LRRC4C: variants seen among roughly 807,000 people sequenced by gnomAD.
The protein encoded by LRRC4C is leucine rich repeat containing 4C.
Under a neutral mutation model 33.6 loss-of-function variants are expected in LRRC4C, and 5 were observed. That is an observed-to-expected ratio of 0.15 (90% CI 0.08 to 0.31). The LOEUF (loss-of-function observed/expected upper bound fraction) is 0.31. LRRC4C is among the 10% of genes least tolerant of loss of function. The pLI is 1.00. For missense variants in LRRC4C, 560 were observed against 796.7 expected (o/e 0.70, Z 3.58); for synonymous variants, 329 against 302.0 (o/e 1.09, Z -0.93).
chr11:40,851,232 A>G (rs1953476511), intron 2 of LRRC4C, among the ~76,000 whole-genome samples: 1 of 151,826 alleles, frequency 6.6e-6, no homozygotes, highest in Non-Finnish European at 1.5e-5. Flanking sequence ...TCAGCCACCC[A>G]GTTTTGTGCT....
intron 3 of LRRC4C, among the ~76,000 whole-genome samples, chr11:40,432,454 G>A (rs1440280478): frequency 6.6e-6 from 1 of 152,152 alleles, no homozygotes; most frequent in African/African-American, 2.4e-5. Context: ...GCCATTTCAT[G>A]TTCTCCCTTT....
intron 2 of LRRC4C, among the ~76,000 whole-genome samples, chr11:40,727,278 C>T (rs1463350804): frequency 2.0e-5 from 3 of 152,114 alleles, no homozygotes; most frequent in African/African-American, 7.2e-5. Context: ...CTACAACTAA[C>T]TGATCCTCAA....
chr11:40,823,303 C>G (rs1952019582), intron 2 of LRRC4C, among the ~76,000 whole-genome samples: 1 of 151,244 alleles, frequency 6.6e-6, no homozygotes, highest in Non-Finnish European at 1.5e-5. Context: ...GAATCAAAAG[C>G]CCAATCAATG....
chr11:40,756,835 C>T (rs573550501), intron 2 of LRRC4C, among the ~76,000 whole-genome samples: 53 of 151,956 alleles, frequency 3.5e-4, no homozygotes, highest in Non-Finnish European at 6.0e-4. Flanking sequence ...AATGAATATA[C>T]AGTTCAAGCT....
At chr11:40,331,464 C>T (rs1347870754) in intron 3 of LRRC4C, among the ~76,000 whole-genome samples, 1 of 152,064 alleles carries the variant, frequency 6.6e-6, no homozygotes, top group Non-Finnish European at 1.5e-5. Context: ...CAATGAAATA[C>T]TATTTATCTA....
intron 1 of LRRC4C, among the ~76,000 whole-genome samples, chr11:41,223,680 G>T (rs1000047965): frequency 6.6e-6 from 1 of 152,138 alleles, no homozygotes; most frequent in Non-Finnish European, 1.5e-5. Context: ...ATGTCTTAAG[G>T]CAACCAATTC....
intron 4 of LRRC4C, among the ~76,000 whole-genome samples, chr11:40,248,959 C>CT (rs990707736): frequency 1.3e-5 from 2 of 152,082 alleles, no homozygotes; most frequent in African/African-American, 2.4e-5. Context: ...GCAGTGACTG[C>CT]TTTTTTTCAT....
intron 1 of LRRC4C, among the ~76,000 whole-genome samples, chr11:40,946,742 AC>A (rs1458597950): frequency 6.6e-6 from 1 of 152,188 alleles, no homozygotes; most frequent in African/African-American, 2.4e-5. Flanking sequence ...TTATGGACTT[AC>A]ATTTGACACT....
In LRRC4C at chr11:41,385,004, CA is replaced by C. The variant is rs1953302222; in HGVS notation, c.-496+74426del. The stretch of plus-strand genomic sequence containing the variant: ...AAAAACATATCTCAAGGTAAAAAAG[CA>C]TTAGTAGAGCTAAATATAGTCAGTA... On this transcript the variant is annotated intron_variant, in intron 1 of 6. Transcript: ENST00000528697. 2.7e-5 allele frequency among the ~76,000 whole-genome samples: 4 copies of C among 150,364 alleles called. No individual in the cohort carries two copies. The South Asian group carries it at 8.4e-4, about 32-fold the overall frequency.
At chr11:41,184,213 G>C (rs889441086) in intron 1 of LRRC4C, among the ~76,000 whole-genome samples, 2 of 151,804 alleles carry the variant, frequency 1.3e-5, no homozygotes, top group Admixed American at 6.6e-5. Flanking sequence ...CATTATTTAC[G>C]CAAATTTCTG....
chr11:40,248,843 A>G (rs1020619614), intron 4 of LRRC4C, among the ~76,000 whole-genome samples: 38 of 152,182 alleles, frequency 2.5e-4, no homozygotes, highest in African/African-American at 8.9e-4. Context: ...AAATATGTAC[A>G]ATTATTACAT....
At chr11:41,207,047 T>C (rs542534509) in intron 1 of LRRC4C, among the ~76,000 whole-genome samples, 3 of 152,302 alleles carry the variant, frequency 2.0e-5, no homozygotes, top group Non-Finnish European at 4.4e-5. Context: ...ATGTATTCCT[T>C]ATAAGCATAT....
chr11:40,422,917 GATTAAAA>G (rs1950570027), intron 3 of LRRC4C, among the ~76,000 whole-genome samples: 1 of 151,774 alleles, frequency 6.6e-6, no homozygotes, highest in African/African-American at 2.4e-5. Flanking sequence ...AATACAGCAT[GATTAAAA>G]ATTAAATTAA....
At chr11:40,540,529 G>A (rs754491249) in intron 3 of LRRC4C, among the ~76,000 whole-genome samples, 7 of 152,020 alleles carry the variant, frequency 4.6e-5, no homozygotes, top group African/African-American at 1.2e-4. Flanking sequence ...GACCTGAATG[G>A]GGATAAAAGC....
rs150822919 is a variant in LRRC4C, at chr11:40,125,951, G to A, written c.-42-9617C>T. On this transcript the variant is annotated intron_variant, in intron 6 of 6. Coordinates refer to ENST00000528697, the MANE Select transcript of LRRC4C (RefSeq NM_001258419.2). ...AGCTTTCTCCACCCCTTATGCAGGA[G>A]TATGTAGTTCTGTAGATTTTCAGGG... Among the ~76,000 whole-genome samples, 4 of 152,186 alleles carry A rather than the reference G, an allele frequency of 2.6e-5. No homozygotes were observed. The East Asian group carries it at 7.7e-4, about 29-fold the overall frequency.
chr11:40,708,150 T>C (rs1026179619), intron 2 of LRRC4C, among the ~76,000 whole-genome samples: 3 of 152,204 alleles, frequency 2.0e-5, no homozygotes, highest in African/African-American at 7.2e-5. Flanking sequence ...GTTGATCTTT[T>C]CAAAAAATCA....
At chr11:40,864,075 T>C (rs1954235310) in intron 2 of LRRC4C, among the ~76,000 whole-genome samples, 1 of 152,078 alleles carries the variant, frequency 6.6e-6, no homozygotes, top group Admixed American at 6.6e-5. Context: ...TATTTATTTA[T>C]TTTTGTTTTT....
At chr11:41,185,249 T>A (rs1202542835) in intron 1 of LRRC4C, among the ~76,000 whole-genome samples, 1 of 152,078 alleles carries the variant, frequency 6.6e-6, no homozygotes, top group Non-Finnish European at 1.5e-5. Flanking sequence ...TTGGTGAGAG[T>A]CTATTCCCAA....
chr11:41,179,449 A>G lies in LRRC4C; in HGVS notation c.-495-245726T>C, dbSNP rs142640069. On this transcript the variant is annotated intron_variant, in intron 1 of 6. Transcript: ENST00000528697. ...GCCTGAGGGCCTGATCTGGAAGCCA[A>G]TTTCACCGTGGTTGCCTTCAGTAGT... Among the ~76,000 whole-genome samples the G allele has an allele frequency of 6.2e-3, 941 of 152,294 alleles. 9 individuals are homozygous for G. The highest frequency in any genetic ancestry group is 9.6e-3 in the Non-Finnish European group (651 of 68,022).
Sources: gnomAD v4.1 joint callset for allele counts (sites outside exome capture counted in the v4.1 genomes callset) on GRCh38, gnomAD v4.1.1 for gene constraint, MANE v1.5 for transcripts, NCBI Gene and HGNC (gene_info 2026-07-23, HGNC 2026-07-21) for gene names.